NIBAN2: variants seen among roughly 807,000 people sequenced by gnomAD.
NIBAN2 encodes the protein protein Niban 2.
NIBAN2 carries 36 observed loss-of-function variants against 81.8 expected under a neutral mutation model. The observed-to-expected ratio is 0.44, with a 90% CI of 0.34 to 0.58. The LOEUF (loss-of-function observed/expected upper bound fraction) is 0.58, where lower values mean the gene tolerates loss of function less well. Ranked by LOEUF, NIBAN2 falls within the 20% of genes least tolerant of loss-of-function variation. The pLI, the probability that NIBAN2 is intolerant of heterozygous loss-of-function variation, is 0.02. For missense variants in NIBAN2, 897 were observed against 1,014.1 expected (o/e 0.88, Z 1.57); for synonymous variants, 445 against 441.6 (o/e 1.01, Z -0.10).
intron 2 of NIBAN2, among the ~76,000 whole-genome samples, chr9:127,528,621 T>C (rs1415035113): frequency 6.6e-6 from 1 of 152,080 alleles, no homozygotes; most frequent in African/African-American, 2.4e-5. Context: ...CCCATTGTGC[T>C]CACACAATAG....
In NIBAN2 at chr9:127,517,163, G is replaced by A. The variant is rs202204579; in HGVS notation, c.759C>T (p.Leu253=). The A allele has an allele frequency of 7.5e-5, 121 of 1,614,022 alleles. No homozygotes were observed. Among genetic ancestry groups the A allele is most frequent in the African/African-American group, 1.3e-4 (10 of 75,046 alleles). ...EELGPELKAE[L]GPRLKGKPQE... ...GCGGTTTCCCCTTCAGCCGCGGGCC[G>A]AGCTCTGCCTTCAGCTCAGGGCCCA... Residue 253 remains leucine (L), a synonymous_variant, in exon 7 of 14, where the codon CTC becomes CTT. Coordinates refer to ENST00000373312, the MANE Select transcript of NIBAN2 (RefSeq NM_022833.4). This position sits in a 1 kb window ranked among gnomAD's most constrained non-coding sequence, Gnocchi z 4.0.
rs1312029782 is a variant in NIBAN2, at chr9:127,507,667, G to A, written c.1654+200C>T. On this transcript the variant is annotated intron_variant, in intron 13 of 13. Coordinates refer to ENST00000373312, the MANE Select transcript of NIBAN2 (RefSeq NM_022833.4). The surrounding 1 kb of genome is among the most constrained non-coding windows in gnomAD (Gnocchi z 6.8). ...TGACCCTCCCAGCAAAGCCAAGGAC[G>A]CGAGAAGAAACTAAAGCACAGAGAC... is the stretch of plus-strand genomic sequence containing the variant. Among the ~76,000 whole-genome samples the A allele has an allele frequency of 6.6e-6, 1 of 152,204 alleles. No individual in the cohort carries two copies. Among genetic ancestry groups the A allele is most frequent in the Non-Finnish European group, 1.5e-5 (1 of 68,036 alleles).
At chr9:127,572,148 A>G (rs1328830423), upstream of NIBAN2, among the ~76,000 whole-genome samples, 3 of 152,082 alleles carry the variant, frequency 2.0e-5, no homozygotes, top group Admixed American at 6.6e-5. Flanking sequence ...GCATCCTCCA[A>G]TCTCACCCTT....
At chr9:127,548,873 A>G (rs1291552052) in intron 1 of NIBAN2, among the ~76,000 whole-genome samples, 1 of 152,176 alleles carries the variant, frequency 6.6e-6, no homozygotes, top group Non-Finnish European at 1.5e-5. Context: ...AGCAGAGCCC[A>G]TTCTCAAGTC....
Position 127,506,221 on chromosome 9 carries a change from T to G in NIBAN2, c.*624A>C, listed in dbSNP as rs959208758. ...TTCCCCTCCGCAGACCTGCACGTTCTGGGCCTTTCTCATTTCACCCCAGGC... is the reference window on the plus strand; with the variant it reads ...TTCCCCTCCGCAGACCTGCACGTTCGGGGCCTTTCTCATTTCACCCCAGGC... On this transcript the variant is annotated 3_prime_UTR_variant, in exon 14 of 14. Transcript: ENST00000373312. The G allele has an allele frequency of 6.6e-6, 1 of 152,490 alleles. No homozygotes were observed. Among genetic ancestry groups the G allele is most frequent in the South Asian group, 2.1e-4 (1 of 4,844 alleles). The allele number at this position is 152,490 out of a possible 1,614,324, so 9.4% of individuals were successfully genotyped here.
intron 1 of NIBAN2, among the ~76,000 whole-genome samples, chr9:127,552,688 T>TTTG (rs1554768657): frequency 7.3e-6 from 1 of 136,438 alleles, no homozygotes; most frequent in Non-Finnish European, 1.6e-5. Context: ...ATATTCGTTT[T>TTTG]TTTTTTTTTT....
In NIBAN2 at chr9:127,517,870, C is replaced by G; in HGVS notation, c.661G>C (p.Glu221Gln). ...DAIRMYRQSKELYGTWEMLCG... is the reference protein window; with the variant it reads ...DAIRMYRQSKQLYGTWEMLCG... Reference sequence around the variant, plus strand: ...AGCATCTCCCAGGTGCCGTACAGCTCCTTGGACTGTCGGTACATGCGGATG... The same window carrying G: ...AGCATCTCCCAGGTGCCGTACAGCTGCTTGGACTGTCGGTACATGCGGATG... Residue 221 changes from glutamate to glutamine, a missense_variant, in exon 6 of 14, where the codon GAG becomes CAG. Glu to Gln is a conservative substitution (Grantham distance 29). This residue lies in a region of NIBAN2 where 69 missense variants were observed against 114.7 expected (regional missense o/e 0.60). Transcript: ENST00000373312. The surrounding 1 kb of genome is among the most constrained non-coding windows in gnomAD (Gnocchi z 4.0). 6.2e-7 allele frequency: 1 copy of G among 1,613,936 alleles called. No homozygotes were observed. The highest frequency in any genetic ancestry group is 8.5e-7 in the Non-Finnish European group (1 of 1,179,938).
chr9:127,507,384 T>C lies in NIBAN2; in HGVS notation c.1702A>G (p.Ser568Gly). The change falls in exon 14 of 14, where the codon AGC (serine) becomes GGC (glycine). Residue 568 changes from serine to glycine, a missense_variant. By Grantham distance (56) the Ser-to-Gly change is moderately conservative. Transcript: ENST00000373312. This position sits in a 1 kb window ranked among gnomAD's most constrained non-coding sequence, Gnocchi z 6.8. ...GGGTCGCTGTTGTGCATGACCATGC[T>C]GTCCCGGTAGAGGTTGTGCTTCCTC... ...VQRKHNLYRD[S>G]MVMHNSDPNL... 6.6e-7 allele frequency: 1 copy of C among 1,524,176 alleles called. No individual in the cohort carries two copies. Among genetic ancestry groups the C allele is most frequent in the Non-Finnish European group, 8.8e-7 (1 of 1,135,790 alleles). 94.4% of individuals were successfully genotyped at this position (1,524,176 alleles called of 1,614,324 possible).
intron 1 of NIBAN2, among the ~76,000 whole-genome samples, chr9:127,549,419 G>T (rs530664913): frequency 5.3e-5 from 8 of 151,596 alleles, no homozygotes; most frequent in African/African-American, 1.9e-4. Context: ...ACGCCCACAC[G>T]CATGCACTCA....
chr9:127,535,559 G>T (rs1280516761), intron 1 of NIBAN2, among the ~76,000 whole-genome samples: 1 of 152,160 alleles, frequency 6.6e-6, no homozygotes, highest in African/African-American at 2.4e-5. Context: ...AAGGCTGAAG[G>T]TCAGGTCCCT....
intron 8 of NIBAN2, among the ~76,000 whole-genome samples, chr9:127,515,295 C>T (rs1254209634): frequency 1.3e-5 from 2 of 151,448 alleles, no homozygotes; most frequent in East Asian, 2.0e-4. Flanking sequence ...CCGAGGTGGG[C>T]GGATCATGAG....
chr9:127,529,106 C>T (rs1837131154), intron 2 of NIBAN2, among the ~76,000 whole-genome samples: 3 of 152,174 alleles, frequency 2.0e-5, no homozygotes, highest in Admixed American at 2.0e-4. Flanking sequence ...AAACAGAACT[C>T]GACAGCCCAG....
At chr9:127,576,724 G>A (rs577557630) in intron 1 of NIBAN2, among the ~76,000 whole-genome samples, 1 of 151,520 alleles carries the variant, frequency 6.6e-6, no homozygotes, top group African/African-American at 2.4e-5. Context: ...ACCAGCCTGG[G>A]CAACATAGCA....
At chr9:127,553,440 G>A (rs929064605) in intron 1 of NIBAN2, among the ~76,000 whole-genome samples, 5 of 152,250 alleles carry the variant, frequency 3.3e-5, no homozygotes, top group African/African-American at 7.2e-5. Flanking sequence ...GAACCCCGAG[G>A]ACGGAAACTC....
At chr9:127,572,407 G>A (rs146034900), upstream of NIBAN2, among the ~76,000 whole-genome samples, 1,224 of 152,274 alleles carry the variant, frequency 8.0e-3, 5 homozygotes, top group Middle Eastern at 0.014. Context: ...CACGGTCCTC[G>A]TCTTCATAGA....
At chr9:127,527,580 C>G (rs1837099624) in intron 2 of NIBAN2, among the ~76,000 whole-genome samples, 1 of 152,198 alleles carries the variant, frequency 6.6e-6, no homozygotes, top group South Asian at 2.1e-4. Context: ...GACTTGAACC[C>G]AGGACAGGCA....
At chr9:127,567,656 C>T (rs373255183) in intron 1 of NIBAN2, among the ~76,000 whole-genome samples, 51 of 152,262 alleles carry the variant, frequency 3.3e-4, no homozygotes, top group African/African-American at 1.1e-3. Context: ...GTGGAGAACA[C>T]GGTGGTGAAA....
intron 5 of NIBAN2, among the ~76,000 whole-genome samples, chr9:127,521,527 C>T (rs942902686): frequency 2.0e-5 from 3 of 152,152 alleles, no homozygotes; most frequent in East Asian, 1.9e-4. Context: ...CGCTGGTGTC[C>T]GCCCAGTTGG....
intron 5 of NIBAN2, among the ~76,000 whole-genome samples, chr9:127,522,621 G>A (rs1005444669): frequency 2.0e-5 from 3 of 151,894 alleles, no homozygotes; most frequent in Non-Finnish European, 2.9e-5. Context: ...CCTGCTTCAG[G>A]GCCTCGTGCA....
Sources: allele counts gnomAD v4.1 joint callset (sites outside exome capture counted in the v4.1 genomes callset), GRCh38; gene constraint gnomAD v4.1.1; regional missense constraint gnomAD v4.1.1; non-coding constraint Gnocchi (gnomAD v3.1); transcripts MANE v1.5; gene names NCBI Gene and HGNC (gene_info 2026-07-23, HGNC 2026-07-21).